POLR3B: variants seen among roughly 807,000 people sequenced by gnomAD.
POLR3B encodes the protein DNA-directed RNA polymerase III subunit RPC2.
POLR3B carries 96 observed loss-of-function variants against 147.4 expected under a neutral mutation model. The ratio of observed to expected loss-of-function variants is 0.65; its 90% CI spans 0.55 to 0.77. The LOEUF (loss-of-function observed/expected upper bound fraction) is 0.77. POLR3B is among the 30% of genes least tolerant of loss of function. The probability of loss-of-function intolerance (pLI) is 0.00; values close to 1 mark genes in which losing one functional copy is unlikely to be tolerated. For synonymous variants in POLR3B, 461 were observed against 485.9 expected, an observed-to-expected ratio of 0.95 and a Z score of 0.67; for missense variants, 1,036 against 1,413.5, an observed-to-expected ratio of 0.73 and a Z score of 4.28.
chr12:106,477,756 C>T (rs1426660456), intron 23 of POLR3B, among the ~76,000 whole-genome samples: 1 of 152,064 alleles, frequency 6.6e-6, no homozygotes, highest in African/African-American at 2.4e-5. Context: ...GGCCTGCGCC[C>T]ACTGTCTGGC....
chr12:106,497,033 G>T (rs147471727), intron 25 of POLR3B, 115 bp downstream of exon 25: 4 of 1,041,214 alleles, frequency 3.8e-6, no homozygotes, highest in Non-Finnish European at 5.9e-6. Flanking sequence ...TGTACAGCCC[G>T]TGGGCGGCAT....
chr12:106,494,746 G>A (rs2038453934), intron 23 of POLR3B, among the ~76,000 whole-genome samples: 1 of 152,100 alleles, frequency 6.6e-6, no homozygotes, highest in African/African-American at 2.4e-5. Context: ...GATTGTTTCT[G>A]TTCTTCATGT....
intron 23 of POLR3B, among the ~76,000 whole-genome samples, chr12:106,472,587 T>G (rs1416989397): frequency 1.3e-5 from 2 of 151,418 alleles, no homozygotes; most frequent in Non-Finnish European, 2.9e-5. Flanking sequence ...TCATAGTGCT[T>G]TTGATTTGCA....
intron 22 of POLR3B, among the ~76,000 whole-genome samples, chr12:106,462,310 C>T (rs1038963359): frequency 7.2e-5 from 11 of 152,256 alleles, no homozygotes; most frequent in Non-Finnish European, 1.0e-4. Context: ...TGCAGTGGCA[C>T]GATCTTGGCT....
chr12:106,509,880 C>A lies in POLR3B; in HGVS notation c.*331C>A. ...CATTAGAAGACCTTACTCCTTCAAG[C>A]AAATGTTTGGGGTCAAATTTACCAT... On this transcript the variant is annotated 3_prime_UTR_variant, in exon 28 of 28. Coordinates refer to ENST00000228347, the MANE Select transcript of POLR3B (RefSeq NM_018082.6). 1 of 234,222 alleles carries A rather than the reference C, an allele frequency of 4.3e-6. No individual in the cohort carries two copies. Among genetic ancestry groups the A allele is most frequent in the Admixed American group, 5.0e-5 (1 of 19,912 alleles). The allele number at this position is 234,222 out of a possible 1,614,324, so 14.5% of individuals were successfully genotyped here.
At chr12:106,363,718 A>G in intron 1 of POLR3B, 152 bp from the exon 2 acceptor site, 3 of 684,222 alleles carry the variant, frequency 4.4e-6, no homozygotes, top group Non-Finnish European at 7.8e-6. Context: ...ATTTATATGC[A>G]TATGCACACA....
chr12:106,421,149 A>C (rs184689958), intron 12 of POLR3B, among the ~76,000 whole-genome samples: 1 of 151,934 alleles, frequency 6.6e-6, no homozygotes, highest in African/African-American at 2.4e-5. Flanking sequence ...CATTGTGTCA[A>C]GATGTGATAC....
Position 106,484,603 on chromosome 12 carries a change from T to C in POLR3B, c.2714-11452T>C, listed in dbSNP as rs1293508072. Among the ~76,000 whole-genome samples the C allele has an allele frequency of 4.7e-5, 7 of 150,386 alleles. No homozygotes were observed. The East Asian group carries it at 1.4e-3, about 29-fold the overall frequency. The stretch of plus-strand genomic sequence containing the variant: ...AAGACTCCATTTCAAGAAAAAAAAG[T>C]GTAAACAAAAATATAAACAGGATAA... On this transcript the variant is annotated intron_variant, in intron 23 of 27. Transcript: ENST00000228347.
At chr12:106,448,659 C>T (rs1421285625) in intron 19 of POLR3B, among the ~76,000 whole-genome samples, 2 of 151,440 alleles carry the variant, frequency 1.3e-5, no homozygotes, top group African/African-American at 2.4e-5. Context: ...AGGCTGGTCT[C>T]GAACTCCTGA....
chr12:106,479,803 T>A (rs1398962810), intron 23 of POLR3B, among the ~76,000 whole-genome samples: 1 of 148,636 alleles, frequency 6.7e-6, no homozygotes, highest in Non-Finnish European at 1.5e-5. Flanking sequence ...TTCCTTCTTT[T>A]CTTTTCTTTT....
chr12:106,456,166 A>G (rs1248671163), intron 20 of POLR3B, among the ~76,000 whole-genome samples: 1 of 152,220 alleles, frequency 6.6e-6, no homozygotes, highest in Non-Finnish European at 1.5e-5. Context: ...GAAAAAAGAA[A>G]GAAATGCAGC....
At chr12:106,498,411 G>T (rs1195244700) in intron 25 of POLR3B, among the ~76,000 whole-genome samples, 1 of 152,188 alleles carries the variant, frequency 6.6e-6, no homozygotes, top group Non-Finnish European at 1.5e-5. Flanking sequence ...TGAATGACAA[G>T]GTTCTGAAGC....
intron 23 of POLR3B, among the ~76,000 whole-genome samples, chr12:106,486,150 G>A (rs548434385): frequency 2.0e-5 from 3 of 152,082 alleles, no homozygotes; most frequent in Non-Finnish European, 2.9e-5. Flanking sequence ...TTAGTTGGGC[G>A]TGATGGCAGG....
At chr12:106,488,293 G>A (rs1198290434) in intron 23 of POLR3B, among the ~76,000 whole-genome samples, 5 of 152,192 alleles carry the variant, frequency 3.3e-5, no homozygotes, top group Non-Finnish European at 4.4e-5. Context: ...CCCCAAAAGA[G>A]CTGGACCTTT....
chr12:106,386,942 T>A (rs949186805), intron 9 of POLR3B, among the ~76,000 whole-genome samples: 3 of 152,122 alleles, frequency 2.0e-5, no homozygotes, highest in Non-Finnish European at 2.9e-5. Flanking sequence ...CTGTCAAGTT[T>A]GTTTAATGTT....
At chr12:106,496,316 G>A (rs757649184) in intron 24 of POLR3B, 158 bp downstream of exon 24, 20 of 704,282 alleles carry the variant, frequency 2.8e-5, no homozygotes, top group Admixed American at 6.0e-5. Flanking sequence ...AGCCCCTAAC[G>A]ATTCTGGGCC....
chr12:106,407,756 G>T lies in POLR3B; in HGVS notation c.966+1780G>T, dbSNP rs139404452. Reference sequence around the variant, plus strand: ...AGGCAGGAGAATCGCTTGAAACTGGGAGGCGGAGGTAGCAGTGAGCCAAGA... The same window carrying T: ...AGGCAGGAGAATCGCTTGAAACTGGTAGGCGGAGGTAGCAGTGAGCCAAGA... On this transcript the variant is annotated intron_variant, in intron 11 of 27. Coordinates refer to ENST00000228347, the MANE Select transcript of POLR3B (RefSeq NM_018082.6). 1.5e-3 allele frequency among the ~76,000 whole-genome samples: 229 copies of T among 152,162 alleles called. 1 individual carries two copies. Among genetic ancestry groups the T allele is most frequent in the African/African-American group, 4.9e-3 (204 of 41,510 alleles).
At chr12:106,451,342 T>C (rs191661012) in intron 19 of POLR3B, among the ~76,000 whole-genome samples, 1 of 152,044 alleles carries the variant, frequency 6.6e-6, no homozygotes, top group East Asian at 1.9e-4. Context: ...TAAAAGAAAA[T>C]TGAGGCCAGG....
chr12:106,385,815 T>TAG (rs2036828330), intron 9 of POLR3B, among the ~76,000 whole-genome samples: 1 of 152,254 alleles, frequency 6.6e-6, no homozygotes, highest in Non-Finnish European at 1.5e-5. Flanking sequence ...TAGCCTAATG[T>TAG]GCTTTTGAGT....
Sources: allele counts gnomAD v4.1 joint callset (sites outside exome capture counted in the v4.1 genomes callset), GRCh38; gene constraint gnomAD v4.1.1; transcripts MANE v1.5; gene names NCBI Gene and HGNC (gene_info 2026-07-23, HGNC 2026-07-21).